CAMK2D: variants seen among roughly 807,000 people sequenced by gnomAD.
CAMK2D encodes the protein calcium/calmodulin dependent protein kinase II delta.
CAMK2D carries 37 observed loss-of-function variants against 84.0 expected under a neutral mutation model. That is an observed-to-expected ratio of 0.44 (90% CI 0.34 to 0.58). The LOEUF (loss-of-function observed/expected upper bound fraction) is 0.58. Among genes scored for constraint, CAMK2D ranks in the 20% least tolerant of loss-of-function variants. The pLI is 0.02. For synonymous variants in CAMK2D, 202 were observed against 212.5 expected, an observed-to-expected ratio of 0.95 and a Z score of 0.43; for missense variants, 448 against 652.5, an observed-to-expected ratio of 0.69 and a Z score of 3.41.
chr4:113,457,305 CAAAG>C lies in CAMK2D; in HGVS notation c.1535+26_1535+29del, dbSNP rs780323159. ...AAGGAGCTGACCATGGGTGTATTAACAAAGAAGCTGACAGCCTGGAAATATTTAC... is the reference window on the plus strand; with the variant it reads ...AAGGAGCTGACCATGGGTGTATTAACAAGCTGACAGCCTGGAAATATTTAC... On this transcript the variant is annotated intron_variant, in intron 19 of 20. Coordinates refer to ENST00000511664, the MANE Select transcript of CAMK2D (RefSeq NM_001321571.2). 165 of 1,612,116 alleles carry C rather than the reference CAAAG, an allele frequency of 1.0e-4. No individual in the cohort carries two copies. The African/African-American group carries it at 1.7e-3, about 17-fold the overall frequency.
chr4:113,596,602 A>G (rs773365083), intron 4 of CAMK2D, among the ~76,000 whole-genome samples: 3 of 152,150 alleles, frequency 2.0e-5, no homozygotes, highest in Non-Finnish European at 4.4e-5. Flanking sequence ...CTCTTTGTAC[A>G]TCTCCGTCAG....
intron 4 of CAMK2D, among the ~76,000 whole-genome samples, chr4:113,585,845 C>T (rs937856517): frequency 6.6e-6 from 1 of 152,058 alleles, no homozygotes; most frequent in Non-Finnish European, 1.5e-5. Context: ...TTAAGTATTG[C>T]ATCCAGTATT....
At chr4:113,609,806 TC>T (rs2098992452) in intron 3 of CAMK2D, among the ~76,000 whole-genome samples, 1 of 152,204 alleles carries the variant, frequency 6.6e-6, no homozygotes, top group Admixed American at 6.5e-5. Flanking sequence ...GTCACCCAAA[TC>T]CATTTACCAA....
chr4:113,508,328 A>G, intron 13 of CAMK2D: 1 of 1,202,766 alleles, frequency 8.3e-7, no homozygotes, highest in Non-Finnish European at 1.2e-6. Context: ...TTGAATTTAG[A>G]GTATCAAAGC....
chr4:113,555,543 C>G (rs1211432128), intron 4 of CAMK2D, among the ~76,000 whole-genome samples: 1 of 152,016 alleles, frequency 6.6e-6, no homozygotes, highest in African/African-American at 2.4e-5. Flanking sequence ...AGCAGTTAAG[C>G]GAAGAATCAC....
At chr4:113,723,689 A>C (rs886085209) in intron 2 of CAMK2D, among the ~76,000 whole-genome samples, 2 of 152,326 alleles carry the variant, frequency 1.3e-5, no homozygotes, top group African/African-American at 4.8e-5. Flanking sequence ...GTATATGTAT[A>C]CATATATATA....
chr4:113,549,105 T>C (rs1250212932), intron 5 of CAMK2D, among the ~76,000 whole-genome samples: 2 of 152,198 alleles, frequency 1.3e-5, no homozygotes, highest in East Asian at 1.9e-4. Context: ...TTCCAGGTAT[T>C]TCTTATACAC....
At chr4:113,700,692 C>T (rs918612254) in intron 2 of CAMK2D, among the ~76,000 whole-genome samples, 26 of 129,142 alleles carry the variant, frequency 2.0e-4, no homozygotes, top group Admixed American at 6.3e-4. Context: ...TCCCTCCTGA[C>T]GCTGGCTGTG....
intron 4 of CAMK2D, among the ~76,000 whole-genome samples, chr4:113,586,204 T>A (rs2098833519): frequency 6.6e-6 from 1 of 152,198 alleles, no homozygotes; most frequent in Admixed American, 6.5e-5. Context: ...TACAACTCAA[T>A]TTTCATAGAG....
intron 16 of CAMK2D, among the ~76,000 whole-genome samples, chr4:113,492,400 C>T (rs1341221465): frequency 9.9e-5 from 15 of 152,204 alleles, no homozygotes; most frequent in South Asian, 8.3e-4. Context: ...TCACTATGTA[C>T]CCAGTAGTCA....
intron 6 of CAMK2D, among the ~76,000 whole-genome samples, chr4:113,539,033 A>G (rs1263602222): frequency 6.6e-6 from 1 of 152,224 alleles, no homozygotes; most frequent in African/African-American, 2.4e-5. Context: ...TTTATGCTGA[A>G]ATGACTTTTA....
At chr4:113,670,885 G>A (rs370030777) in intron 2 of CAMK2D, among the ~76,000 whole-genome samples, 3 of 151,730 alleles carry the variant, frequency 2.0e-5, no homozygotes, top group Admixed American at 6.6e-5. Context: ...CCAAGATCGC[G>A]CCACTGCACT....
rs1004999521 is a variant in CAMK2D at position 113,537,585 on chromosome 4, A to C, written c.415-142T>G. ...CTGGAGACTGCCATTCCTAAATCCCAGGGAAAATACAGTTAGAAAATGATT... is the reference window on the plus strand; with the variant it reads ...CTGGAGACTGCCATTCCTAAATCCCCGGGAAAATACAGTTAGAAAATGATT... On this transcript the variant is annotated intron_variant, in intron 6 of 20. Transcript: ENST00000511664. The C allele has an allele frequency of 4.9e-6, 3 of 616,990 alleles. No individual in the cohort carries two copies. The East Asian group carries it at 8.2e-5, about 17-fold the overall frequency. 38.2% of individuals were successfully genotyped at this position (616,990 alleles called of 1,614,324 possible).
intron 3 of CAMK2D, among the ~76,000 whole-genome samples, chr4:113,615,072 G>A (rs1044845804): frequency 6.6e-6 from 1 of 152,094 alleles, no homozygotes; most frequent in African/African-American, 2.4e-5. Context: ...GTGTTTCAAA[G>A]ATTGAGGTAG....
intron 3 of CAMK2D, among the ~76,000 whole-genome samples, chr4:113,618,605 A>G (rs2099031579): frequency 6.6e-6 from 1 of 152,236 alleles, no homozygotes; most frequent in Admixed American, 6.5e-5. Context: ...TGGCTTGTAG[A>G]CATATTGTAC....
chr4:113,605,721 A>G (rs1312699253), intron 4 of CAMK2D, among the ~76,000 whole-genome samples: 2 of 152,176 alleles, frequency 1.3e-5, no homozygotes, highest in Non-Finnish European at 2.9e-5. Flanking sequence ...CTGCGTTCCA[A>G]TAACCTCACC....
chr4:113,536,303 C>T (rs1024284190), intron 7 of CAMK2D, among the ~76,000 whole-genome samples: 12 of 152,108 alleles, frequency 7.9e-5, no homozygotes, highest in African/African-American at 2.9e-4. Context: ...AACTGAGGTC[C>T]TGCATTAGGC....
At chr4:113,632,561 G>A (rs948503981) in intron 3 of CAMK2D, among the ~76,000 whole-genome samples, 1 of 151,196 alleles carries the variant, frequency 6.6e-6, no homozygotes, top group Non-Finnish European at 1.5e-5. Context: ...TTGCACTCCA[G>A]CCTGGGTGAT....
intron 18 of CAMK2D, among the ~76,000 whole-genome samples, chr4:113,458,510 A>G (rs555559490): frequency 6.6e-6 from 1 of 152,350 alleles, no homozygotes. Flanking sequence ...AACATGATAT[A>G]TAGTGTTATA....
Sources: gnomAD v4.1 joint callset for allele counts (sites outside exome capture counted in the v4.1 genomes callset) on GRCh38, gnomAD v4.1.1 for gene constraint, MANE v1.5 for transcripts, NCBI Gene and HGNC (gene_info 2026-07-23, HGNC 2026-07-21) for gene names.